Variants in RAPGEF4 observed in about 807,000 individuals in gnomAD.
RAPGEF4 encodes the protein Rap guanine nucleotide exchange factor 4.
A neutral mutation model predicts 147.9 loss-of-function variants in RAPGEF4; 66 were observed. The observed-to-expected ratio is 0.45, with a 90% CI of 0.37 to 0.55. RAPGEF4 has a LOEUF of 0.55. Among genes scored for constraint, RAPGEF4 ranks in the 20% least tolerant of loss-of-function variants. RAPGEF4 has a pLI of 0.00. For missense variants in RAPGEF4, 1,071 were observed against 1,257.3 expected (o/e 0.85, Z 2.24); for synonymous variants, 419 against 442.7 (o/e 0.95, Z 0.67).
chr2:172,815,923 C>T (rs6759940), intron 4 of RAPGEF4, among the ~76,000 whole-genome samples: 38,968 of 151,960 alleles, frequency 0.26, 5,183 homozygotes, highest in Non-Finnish European at 0.3. Flanking sequence ...AATGAACACC[C>T]ATTCACCCCC....
chr2:173,019,657 T>C lies in RAPGEF4; in HGVS notation c.2155+855T>C, dbSNP rs949954854. ...CACTGATGGAGGATTTTTAAATGCATGTTGGATTTTAAGATCTCCCTTCCA... is the reference window on the plus strand; with the variant it reads ...CACTGATGGAGGATTTTTAAATGCACGTTGGATTTTAAGATCTCCCTTCCA... On this transcript the variant is annotated intron_variant, in intron 22 of 30. Transcript: ENST00000397081. Among the ~76,000 whole-genome samples the C allele has an allele frequency of 2.0e-5, 3 of 152,224 alleles. 1 individual carries two copies. Among genetic ancestry groups the C allele is most frequent in the African/African-American group, 7.2e-5 (3 of 41,450 alleles).
At chr2:172,788,731 A>T (rs1249870609) in intron 1 of RAPGEF4, among the ~76,000 whole-genome samples, 1 of 151,964 alleles carries the variant, frequency 6.6e-6, no homozygotes, top group Non-Finnish European at 1.5e-5. Context: ...CAAAAAAAAT[A>T]AAAAATAAAA....
At chr2:172,736,136 C>T (rs1258129910) in intron 1 of RAPGEF4, 88 bp downstream of exon 1, 5 of 1,088,522 alleles carry the variant, frequency 4.6e-6, no homozygotes, top group Admixed American at 4.5e-5. Flanking sequence ...CTGGGCGCAG[C>T]GCGGCCGGGC....
chr2:172,750,976 A>G (rs1367043368), intron 1 of RAPGEF4, among the ~76,000 whole-genome samples: 4 of 152,142 alleles, frequency 2.6e-5, no homozygotes, highest in Non-Finnish European at 5.9e-5. Flanking sequence ...CTGTGCAGTC[A>G]TTAGTTATTT....
chr2:173,027,602 T>C (rs62175777), intron 25 of RAPGEF4, among the ~76,000 whole-genome samples: 5,134 of 152,324 alleles, frequency 0.034, 111 homozygotes, highest in Middle Eastern at 0.082. Flanking sequence ...TGAAAAGATC[T>C]TGAAGTCAAT....
At chr2:173,003,081 G>C (rs1471605994) in intron 17 of RAPGEF4, among the ~76,000 whole-genome samples, 1 of 151,632 alleles carries the variant, frequency 6.6e-6, no homozygotes. Flanking sequence ...CGAGTTCAGC[G>C]GGCCAAGGCC....
At chr2:172,838,336 A>G (rs919961160) in intron 4 of RAPGEF4, among the ~76,000 whole-genome samples, 1 of 152,138 alleles carries the variant, frequency 6.6e-6, no homozygotes, top group Non-Finnish European at 1.5e-5. Context: ...ATGGGCCATT[A>G]TACCACCATG....
At chr2:173,037,522 A>C (rs1457501112) in intron 29 of RAPGEF4, among the ~76,000 whole-genome samples, 1 of 152,172 alleles carries the variant, frequency 6.6e-6, no homozygotes, top group Non-Finnish European at 1.5e-5. Flanking sequence ...TTATTTTCTT[A>C]TCTTCTGTGA....
rs561683031 is a variant in RAPGEF4, at chr2:172,748,933, G to A, written c.65+12885G>A. Among the ~76,000 whole-genome samples, 10 of 152,344 alleles carry A rather than the reference G, an allele frequency of 6.6e-5. No individual in the cohort carries two copies. The South Asian group carries it at 1.0e-3, about 16-fold the overall frequency. On this transcript the variant is annotated intron_variant, in intron 1 of 30. Coordinates refer to ENST00000397081, the MANE Select transcript of RAPGEF4 (RefSeq NM_007023.4). ...AGGCTGCATGCAAGTCCAAAATCCA[G>A]TGGGGCAGTCAAATCTTAAGACTCC...
chr2:172,803,659 G>T (rs151005643), intron 3 of RAPGEF4, among the ~76,000 whole-genome samples: 12,043 of 152,232 alleles, frequency 0.079, 636 homozygotes, highest in East Asian at 0.23. Flanking sequence ...TAGCTGGCTT[G>T]AATTTCTTCT....
intron 4 of RAPGEF4, among the ~76,000 whole-genome samples, chr2:172,818,051 T>A (rs565886611): frequency 7.1e-4 from 107 of 151,378 alleles, no homozygotes; most frequent in African/African-American, 2.3e-3. Flanking sequence ...TGGGTGGAAT[T>A]GGAGACCATT....
At chr2:172,829,792 A>G (rs1198923955) in intron 4 of RAPGEF4, among the ~76,000 whole-genome samples, 1 of 148,674 alleles carries the variant, frequency 6.7e-6, no homozygotes, top group Non-Finnish European at 1.5e-5. Flanking sequence ...TTATATATAT[A>G]TATTATATAT....
Position 172,883,454 on chromosome 2 carries a change from T to A in RAPGEF4, c.445-34348T>A, listed in dbSNP as rs540803385. 9.9e-5 allele frequency among the ~76,000 whole-genome samples: 15 copies of A among 152,238 alleles called. 1 individual carries two copies. In the South Asian group the frequency reaches 2.5e-3, roughly 25 times the overall value. On this transcript the variant is annotated intron_variant, in intron 4 of 30. Coordinates refer to ENST00000397081, the MANE Select transcript of RAPGEF4 (RefSeq NM_007023.4). The stretch of plus-strand genomic sequence containing the variant: ...GGCCCCACCTCCCAACACTGTTGCA[T>A]TGGGGATTAAGCCTCCAACTCCAAT...
intron 6 of RAPGEF4, among the ~76,000 whole-genome samples, chr2:172,937,115 G>A (rs1686673500): frequency 6.7e-6 from 1 of 150,226 alleles, no homozygotes; most frequent in Non-Finnish European, 1.5e-5. Flanking sequence ...TACCTACTTG[G>A]GAGACTAAGG....
intron 29 of RAPGEF4, among the ~76,000 whole-genome samples, chr2:173,046,814 C>G (rs1685528316): frequency 6.6e-6 from 1 of 152,162 alleles, no homozygotes. Flanking sequence ...GCGAAATTAT[C>G]CAATGCAGGT....
chr2:172,908,963 G>A (rs527639471), intron 4 of RAPGEF4, among the ~76,000 whole-genome samples: 1 of 152,182 alleles, frequency 6.6e-6, no homozygotes, highest in Non-Finnish European at 1.5e-5. Flanking sequence ...TTGAAGAATT[G>A]ATTTCCTAAC....
At chr2:172,987,138 C>A (rs1315333184) in intron 12 of RAPGEF4, among the ~76,000 whole-genome samples, 2 of 151,966 alleles carry the variant, frequency 1.3e-5, no homozygotes, top group East Asian at 3.9e-4. Flanking sequence ...CATGGCGAAA[C>A]CCTGTCTGTA....
intron 29 of RAPGEF4, 57 bp from the exon 30 acceptor site, chr2:173,048,543 G>T: frequency 6.2e-7 from 1 of 1,608,140 alleles, no homozygotes; most frequent in Non-Finnish European, 8.5e-7. Flanking sequence ...TTCCTTTTTG[G>T]ATTGTACTCT....
Position 172,960,763 on chromosome 2 carries a change from C to T in RAPGEF4, c.541C>T (p.Pro181Ser). ...NDRIPDKENT[P>S]LIEPHVPLRP... is the part of the protein sequence containing the mutation. ...GCTTTAACATTTTATTTTTCAGACA[C>T]CTCTCATTGAACCTCACGTTCCTCT... Residue 181 changes from proline (P) to serine (S), a missense_variant, in exon 7 of 31, where the codon CCT (proline) becomes TCT (serine). Coordinates refer to ENST00000397081, the MANE Select transcript of RAPGEF4 (RefSeq NM_007023.4). 6.2e-7 allele frequency: 1 copy of T among 1,600,080 alleles called. No homozygotes were observed. The highest frequency in any genetic ancestry group is 1.1e-5 in the South Asian group (1 of 88,318).
Sources: allele counts gnomAD v4.1 joint callset (sites outside exome capture counted in the v4.1 genomes callset), GRCh38; gene constraint gnomAD v4.1.1; transcripts MANE v1.5; gene names NCBI Gene and HGNC (gene_info 2026-07-23, HGNC 2026-07-21).